The following CSMD1 variants were observed in gnomAD, a reference collection of about 807,000 sequenced individuals.
The protein encoded by CSMD1 is CUB and sushi domain-containing protein 1.
A neutral mutation model predicts 417.5 loss-of-function variants in CSMD1; 213 were observed. That is an observed-to-expected ratio of 0.51 (90% CI 0.46 to 0.57). The LOEUF (loss-of-function observed/expected upper bound fraction) is 0.57, where lower values mean the gene tolerates loss of function less well. Among genes scored for constraint, CSMD1 ranks in the 20% least tolerant of loss-of-function variants. CSMD1 has a pLI of 0.00. For missense variants in CSMD1, 6,923 were observed against 4,529.7 expected (o/e 1.53, Z -15.17); for synonymous variants, 2,862 against 1,736.8 (o/e 1.65, Z -16.11).
chr8:3,266,305 C>T (rs1801426306), intron 26 of CSMD1, among the ~76,000 whole-genome samples: 1 of 151,318 alleles, frequency 6.6e-6, no homozygotes, highest in South Asian at 2.1e-4. Flanking sequence ...CTGCAAGGGG[C>T]CGTTTAAGAG....
chr8:4,943,718 T>A (rs551366391), intron 1 of CSMD1, among the ~76,000 whole-genome samples: 27 of 152,234 alleles, frequency 1.8e-4, no homozygotes, highest in African/African-American at 6.3e-4. Context: ...CTAAAAACAT[T>A]TGAAGATATC....
chr8:4,384,399 T>A (rs968214481), intron 3 of CSMD1, among the ~76,000 whole-genome samples: 4 of 152,188 alleles, frequency 2.6e-5, no homozygotes, highest in African/African-American at 9.7e-5. Flanking sequence ...TAAATACTTT[T>A]GGAAAATATA....
rs138340435 is a variant in CSMD1 at position 4,951,954 on chromosome 8, G to C, written c.85+42378C>G. ...ATTTTTTCCCCTAGGCCTGAAACTG[G>C]TGACTCCTTCAGAGCCAAGCTTCTA... On this transcript the variant is annotated intron_variant, in intron 1 of 69. Coordinates refer to ENST00000635120, the MANE Select transcript of CSMD1 (RefSeq NM_033225.6). 1.3e-3 allele frequency among the ~76,000 whole-genome samples: 194 copies of C among 151,354 alleles called. 4 individuals are homozygous for C. The East Asian group carries it at 0.017, about 13-fold the overall frequency.
chr8:4,318,275 TAA>T (rs1265644939), intron 3 of CSMD1, among the ~76,000 whole-genome samples: 1 of 152,146 alleles, frequency 6.6e-6, no homozygotes, highest in African/African-American at 2.4e-5. Context: ...TTTCCTTAAT[TAA>T]AGTTTTTACT....
intron 5 of CSMD1, among the ~76,000 whole-genome samples, chr8:3,971,631 G>A (rs1012163885): frequency 6.6e-6 from 1 of 152,074 alleles, no homozygotes; most frequent in African/African-American, 2.4e-5. Flanking sequence ...ATTTCCTCAA[G>A]GGAGTCTCAA....
At chr8:4,457,029 C>G (rs1465299176) in intron 2 of CSMD1, among the ~76,000 whole-genome samples, 3 of 150,268 alleles carry the variant, frequency 2.0e-5, no homozygotes, top group South Asian at 2.1e-4. Context: ...ATGTTAATCG[C>G]TGATTCCTGG....
At chr8:4,301,133 G>A (rs1351165141) in intron 3 of CSMD1, among the ~76,000 whole-genome samples, 1 of 152,200 alleles carries the variant, frequency 6.6e-6, no homozygotes, top group Non-Finnish European at 1.5e-5. Flanking sequence ...TTTGAGGAGA[G>A]GAATGAGCAG....
At chr8:4,201,026 G>A (rs372030170) in intron 3 of CSMD1, among the ~76,000 whole-genome samples, 3 of 152,116 alleles carry the variant, frequency 2.0e-5, no homozygotes, top group African/African-American at 7.2e-5. Context: ...GGCATCATGA[G>A]ATACTACAGA....
intron 3 of CSMD1, among the ~76,000 whole-genome samples, chr8:4,243,380 T>G (rs182657298): frequency 1.3e-5 from 2 of 152,152 alleles, no homozygotes; most frequent in Non-Finnish European, 2.9e-5. Context: ...AAAAAACAGC[T>G]TGACTTGGAG....
intron 7 of CSMD1, among the ~76,000 whole-genome samples, chr8:3,640,417 C>A (rs1797250664): frequency 6.6e-6 from 1 of 152,176 alleles, no homozygotes; most frequent in Non-Finnish European, 1.5e-5. Flanking sequence ...ATTGTAAAGA[C>A]CAGAGACCAT....
At chr8:4,019,480 T>C (rs1366660320) in intron 4 of CSMD1, among the ~76,000 whole-genome samples, 1 of 151,808 alleles carries the variant, frequency 6.6e-6, no homozygotes, top group Non-Finnish European at 1.5e-5. Context: ...GGGCCCACTG[T>C]TTTACTGGGG....
At chr8:3,476,969 G>A (rs1411822315) in intron 11 of CSMD1, among the ~76,000 whole-genome samples, 5 of 151,690 alleles carry the variant, frequency 3.3e-5, no homozygotes, top group African/African-American at 9.7e-5. Flanking sequence ...TAAGTTGGGG[G>A]AGCCTGTCAA....
chr8:4,438,514 G>C (rs760259109), intron 2 of CSMD1, among the ~76,000 whole-genome samples: 3 of 152,218 alleles, frequency 2.0e-5, no homozygotes, highest in African/African-American at 7.2e-5. Flanking sequence ...GAAGATGCAG[G>C]TGGAAGTCCC....
At chr8:4,041,865 T>C (rs1237522935) in intron 3 of CSMD1, among the ~76,000 whole-genome samples, 3 of 151,980 alleles carry the variant, frequency 2.0e-5, no homozygotes, top group African/African-American at 4.8e-5. Context: ...CCATCTGAGA[T>C]TCAAAAATCA....
At chr8:3,296,047 C>G (rs763038881) in intron 25 of CSMD1, among the ~76,000 whole-genome samples, 1 of 151,688 alleles carries the variant, frequency 6.6e-6, no homozygotes, top group Non-Finnish European at 1.5e-5. Flanking sequence ...GTCCACAGCA[C>G]CCATAACAAA....
At chr8:4,629,442 T>C (rs1241440067) in intron 2 of CSMD1, among the ~76,000 whole-genome samples, 3 of 152,172 alleles carry the variant, frequency 2.0e-5, no homozygotes, top group Non-Finnish European at 4.4e-5. Flanking sequence ...CTTACGTATA[T>C]TTTACCTGCT....
At chr8:4,823,870 T>C (rs1799658415) in intron 1 of CSMD1, among the ~76,000 whole-genome samples, 1 of 151,854 alleles carries the variant, frequency 6.6e-6, no homozygotes, top group Non-Finnish European at 1.5e-5. Flanking sequence ...AAAGGAAGGC[T>C]TAATATTGAA....
intron 3 of CSMD1, among the ~76,000 whole-genome samples, chr8:4,151,564 G>A (rs909967026): frequency 1.3e-5 from 2 of 152,062 alleles, no homozygotes; most frequent in Admixed American, 6.6e-5. Context: ...AAATTAACAT[G>A]GGGAATTAAA....
At chr8:3,282,381 C>G (rs960081377) in intron 26 of CSMD1, among the ~76,000 whole-genome samples, 1 of 151,978 alleles carries the variant, frequency 6.6e-6, no homozygotes, top group Admixed American at 6.6e-5. Flanking sequence ...AAAATAAAAC[C>G]TGTTGAAAAA....
Sources: gnomAD v4.1 joint callset for allele counts (sites outside exome capture counted in the v4.1 genomes callset) on GRCh38, gnomAD v4.1.1 for gene constraint, MANE v1.5 for transcripts, NCBI Gene and HGNC (gene_info 2026-07-23, HGNC 2026-07-21) for gene names.